ULK4: variants seen among roughly 807,000 people sequenced by gnomAD.
The protein encoded by ULK4 is unc-51 like kinase 4.
A neutral mutation model predicts 160.6 loss-of-function variants in ULK4; 133 were observed. The ratio of observed to expected loss-of-function variants is 0.83; its 90% CI spans 0.72 to 0.96. The LOEUF (loss-of-function observed/expected upper bound fraction) is 0.96, where lower values mean the gene tolerates loss of function less well. Ranked by LOEUF, ULK4 falls within the 40% of genes least tolerant of loss-of-function variation. The probability of loss-of-function intolerance (pLI) is 0.00; values close to 1 mark genes in which losing one functional copy is unlikely to be tolerated. For missense variants in ULK4, 1,580 were observed against 1,499.5 expected (o/e 1.05, Z -0.89); for synonymous variants, 534 against 539.8 (o/e 0.99, Z 0.15).
At chr3:41,623,490 T>G (rs1268605562) in intron 30 of ULK4, among the ~76,000 whole-genome samples, 1 of 152,040 alleles carries the variant, frequency 6.6e-6, no homozygotes, top group Non-Finnish European at 1.5e-5. Flanking sequence ...GGTGAATGAA[T>G]AGAAAAAAAT....
chr3:41,545,293 C>T (rs780108962), intron 32 of ULK4, among the ~76,000 whole-genome samples: 8 of 152,148 alleles, frequency 5.3e-5, no homozygotes, highest in Non-Finnish European at 1.0e-4. Flanking sequence ...TTCCTTTTAG[C>T]CTGAAAAACT....
intron 35 of ULK4, among the ~76,000 whole-genome samples, chr3:41,386,585 C>T (rs185556473): frequency 5.4e-4 from 82 of 152,240 alleles, no homozygotes; most frequent in African/African-American, 1.9e-3. Flanking sequence ...ACTTTTTTGA[C>T]CCTTTGCGTT....
At chr3:41,681,872 A>AT in intron 27 of ULK4, 68 bp from the exon 28 acceptor site, 1 of 1,561,316 alleles carries the variant, frequency 6.4e-7, no homozygotes, top group Non-Finnish European at 8.8e-7. Flanking sequence ...CACTATCTAT[A>AT]TTTTTTCCAC....
At chr3:41,595,610 C>G (rs2031639334) in intron 31 of ULK4, among the ~76,000 whole-genome samples, 2 of 152,098 alleles carry the variant, frequency 1.3e-5, no homozygotes, top group South Asian at 4.1e-4. Context: ...AGAAGTTGTA[C>G]TAGGGAGGTG....
rs375712274 is a variant in ULK4 at position 41,648,253 on chromosome 3, T to A, written c.3071+15354A>T. ...TCCCTAGTGAGATGAACCCGGTACC[T>A]CAGATGGAAATGCAGAAATCACCGG... On this transcript the variant is annotated intron_variant, in intron 30 of 36. Transcript: ENST00000301831. Among the ~76,000 whole-genome samples the A allele has an allele frequency of 7.2e-4, 109 of 152,252 alleles. 5 individuals are homozygous for A. The South Asian group carries it at 0.022, about 30-fold the overall frequency.
At chr3:41,824,395 T>A (rs763509389) in intron 18 of ULK4, among the ~76,000 whole-genome samples, 106 of 151,646 alleles carry the variant, frequency 7.0e-4, no homozygotes, top group East Asian at 1.4e-3. Context: ...GCGCAAGGGG[T>A]CAGTGAATTC....
intron 35 of ULK4, among the ~76,000 whole-genome samples, chr3:41,267,493 T>A (rs888526952): frequency 5.3e-5 from 8 of 152,214 alleles, no homozygotes; most frequent in African/African-American, 1.9e-4. Flanking sequence ...TGTGTCTCTA[T>A]AGTAGAATGA....
intron 35 of ULK4, among the ~76,000 whole-genome samples, chr3:41,383,983 CCTTTA>C (rs1436892423): frequency 6.6e-6 from 1 of 152,020 alleles, no homozygotes; most frequent in African/African-American, 2.4e-5. Context: ...TAGTTTTTAC[CCTTTA>C]CTTTAAAAAG....
intron 23 of ULK4, among the ~76,000 whole-genome samples, chr3:41,716,216 A>AAATAATAATAATAATAAT (rs61340837): frequency 1.7e-4 from 24 of 139,258 alleles, no homozygotes; most frequent in African/African-American, 5.0e-4. Flanking sequence ...CTGTCTCACA[A>AAATAATAATAATAATAAT]AATAATAATA....
At chr3:41,525,714 C>T (rs2086091968) in intron 32 of ULK4, among the ~76,000 whole-genome samples, 1 of 152,250 alleles carries the variant, frequency 6.6e-6, no homozygotes. Context: ...TATTTCCTAG[C>T]ATACAATGTG....
At chr3:41,898,736 C>T (rs745701032) in intron 13 of ULK4, among the ~76,000 whole-genome samples, 1 of 152,214 alleles carries the variant, frequency 6.6e-6, no homozygotes, top group Non-Finnish European at 1.5e-5. Context: ...ACATTCACTC[C>T]TATCTTGGCT....
intron 35 of ULK4, among the ~76,000 whole-genome samples, chr3:41,263,526 C>T (rs1575368470): frequency 6.6e-6 from 1 of 152,280 alleles, no homozygotes; most frequent in East Asian, 1.9e-4. Flanking sequence ...TACTATCAGC[C>T]ACTAAACCAC....
At chr3:41,525,408 C>T (rs2086078333) in intron 32 of ULK4, among the ~76,000 whole-genome samples, 1 of 152,194 alleles carries the variant, frequency 6.6e-6, no homozygotes, top group African/African-American at 2.4e-5. Context: ...CTGATCGGCT[C>T]CCCATCCAAC....
chr3:41,584,369 G>A (rs888567356), intron 31 of ULK4, among the ~76,000 whole-genome samples: 4 of 152,036 alleles, frequency 2.6e-5, no homozygotes, highest in Admixed American at 6.6e-5. Flanking sequence ...TCAGCTCTCT[G>A]CAACCTCCAC....
chr3:41,604,778 T>C (rs2032287562), intron 31 of ULK4, among the ~76,000 whole-genome samples: 1 of 152,146 alleles, frequency 6.6e-6, no homozygotes, highest in Non-Finnish European at 1.5e-5. Context: ...ACAGTAAATA[T>C]GTGTTTTGGA....
At chr3:41,280,624 C>G (rs962619949) in intron 35 of ULK4, among the ~76,000 whole-genome samples, 2 of 152,188 alleles carry the variant, frequency 1.3e-5, no homozygotes, top group African/African-American at 4.8e-5. Flanking sequence ...AACAAAGACA[C>G]AATGTACCAG....
intron 32 of ULK4, among the ~76,000 whole-genome samples, chr3:41,548,853 T>G (rs73830235): frequency 0.033 from 4,988 of 152,170 alleles, 269 homozygotes; most frequent in African/African-American, 0.11. Context: ...GGGTGGCATC[T>G]CCATCCCCCA....
At chr3:41,755,058 ACTTTCC>A (rs1236372434) in intron 21 of ULK4, among the ~76,000 whole-genome samples, 1 of 152,228 alleles carries the variant, frequency 6.6e-6, no homozygotes, top group Non-Finnish European at 1.5e-5. Flanking sequence ...GAATAGTGCT[ACTTTCC>A]CTTTTAAAAG....
rs560837757 is a variant in ULK4, at chr3:41,501,799, A to T, written c.3227-38546T>A. 9.2e-5 allele frequency among the ~76,000 whole-genome samples: 14 copies of T among 152,170 alleles called. No individual in the cohort carries two copies. The East Asian group carries it at 2.5e-3, about 27-fold the overall frequency. ...ACTGAAACTTTGTGTGTTTTAACTA[A>T]TATGTCCCCAATTATCCCATTCCCT... On this transcript the variant is annotated intron_variant, in intron 32 of 36. Coordinates refer to ENST00000301831, the MANE Select transcript of ULK4 (RefSeq NM_017886.4).
Sources: gnomAD v4.1 joint callset for allele counts (sites outside exome capture counted in the v4.1 genomes callset) on GRCh38, gnomAD v4.1.1 for gene constraint, MANE v1.5 for transcripts, NCBI Gene and HGNC (gene_info 2026-07-23, HGNC 2026-07-21) for gene names.